ZNF155: variants seen among roughly 807,000 people sequenced by gnomAD.
The protein encoded by ZNF155 is KRAB A domain.
Under a neutral mutation model 11.9 loss-of-function variants are expected in ZNF155, and 15 were observed. The observed-to-expected ratio is 1.26, with a 90% CI of 0.84 to 1.94. The LOEUF (loss-of-function observed/expected upper bound fraction) is 1.94, where lower values mean the gene tolerates loss of function less well. ZNF155 is among the 30% of genes most tolerant of loss of function. The probability of loss-of-function intolerance (pLI) is 0.00; values close to 1 mark genes in which losing one functional copy is unlikely to be tolerated. For synonymous variants in ZNF155, 212 were observed against 219.9 expected (o/e 0.96, Z 0.32); for missense variants, 602 against 639.1 (o/e 0.94, Z 0.63).
chr19:43,996,288 G>C lies in ZNF155; in HGVS notation c.431G>C (p.Gly144Ala). The C allele has an allele frequency of 2.5e-6, 4 of 1,614,158 alleles. No homozygotes were observed. Among genetic ancestry groups the C allele is most frequent in the Non-Finnish European group, 3.4e-6 (4 of 1,180,008 alleles). ...GCAGGACTACCCACAATTCATACAG[G>C]ACAGAAACCTTCCCAGGGTGGGAAG... ...VEAGLPTIHT[G>A]QKPSQGGKCK... Residue 144 changes from glycine (G) to alanine (A), a missense_variant, in exon 5 of 5, where the codon GGA (glycine) becomes GCA (alanine). Physicochemically the swap from Gly to Ala is moderately conservative, Grantham distance 60 (BLOSUM62 0). Coordinates refer to ENST00000270014, the MANE Select transcript of ZNF155 (RefSeq NM_198089.3).
At position 43,997,225 on chromosome 19, in the gene ZNF155, T is replaced by C. The variant is rs779103038; in HGVS notation, c.1368T>C (p.Tyr456=). Residue 456 remains tyrosine, a synonymous_variant, in exon 5 of 5, where the codon TAT becomes TAC. Coordinates refer to ENST00000270014, the MANE Select transcript of ZNF155 (RefSeq NM_198089.3). ...HQRVHTGERP[Y]NCKECGKNFS... ...GGGTCCACACGGGAGAGAGACCTTA[T>C]AATTGTAAGGAATGTGGGAAGAACT... The C allele has an allele frequency of 2.5e-6, 4 of 1,614,174 alleles. No homozygotes were observed. The highest frequency in any genetic ancestry group is 3.3e-5 in the Admixed American group (2 of 60,018).
intron 4 of ZNF155, among the ~76,000 whole-genome samples, chr19:43,994,300 C>G (rs393138): frequency 0.97 from 147,504 of 152,288 alleles, 71,598 homozygotes; most frequent in Middle Eastern, 1. Flanking sequence ...CCAAGTTACT[C>G]TCCACATCAA....
In ZNF155 at chr19:43,986,519, G is replaced by C. The variant is rs940618559; in HGVS notation, c.-85-1940G>C. 2.7e-5 allele frequency among the ~76,000 whole-genome samples: 4 copies of C among 147,578 alleles called. No homozygotes were observed. The Admixed American group carries it at 2.7e-4, about 10-fold the overall frequency. ...GGCTGGAGTGCAGTGGTGCGATCTC[G>C]GCTCACTGTGAGCTCCGCCTCCCGG... On this transcript the variant is annotated intron_variant, in intron 1 of 4. Coordinates refer to ENST00000270014, the MANE Select transcript of ZNF155 (RefSeq NM_198089.3).
chr19:43,992,273 A>G (rs1167148648), intron 4 of ZNF155, among the ~76,000 whole-genome samples: 1 of 152,034 alleles, frequency 6.6e-6, no homozygotes, highest in African/African-American at 2.4e-5. Context: ...TGTCCTTTCC[A>G]TCTTTCTCCA....
chr19:43,995,452 A>G (rs1267003620), intron 4 of ZNF155, among the ~76,000 whole-genome samples: 1 of 139,368 alleles, frequency 7.2e-6, no homozygotes, highest in African/African-American at 2.7e-5. Flanking sequence ...TCTGTCACCC[A>G]GGGCTCACTG....
chr19:43,986,910 G>T (rs1407488745), intron 1 of ZNF155, among the ~76,000 whole-genome samples: 1 of 151,942 alleles, frequency 6.6e-6, no homozygotes, highest in Non-Finnish European at 1.5e-5. Flanking sequence ...TTGCTTTGTT[G>T]GTGGCCATCA....
intron 2 of ZNF155, among the ~76,000 whole-genome samples, chr19:43,989,821 A>C (rs1413620553): frequency 2.6e-5 from 4 of 152,222 alleles, no homozygotes; most frequent in Non-Finnish European, 5.9e-5. Context: ...AATGTTAGCC[A>C]CGTGGATACC....
intron 2 of ZNF155, chr19:43,990,169 C>T: frequency 1.9e-6 from 2 of 1,079,876 alleles, no homozygotes; most frequent in Non-Finnish European, 2.6e-6. Flanking sequence ...TCTAAATGTG[C>T]TTATTTTTTG....
Position 43,997,252 on chromosome 19 carries a change from T to C in ZNF155, c.1395T>C (p.Phe465=), listed in dbSNP as rs761984511. 50 of 1,614,002 alleles carry C rather than the reference T, an allele frequency of 3.1e-5. 1 individual carries two copies. The South Asian group carries it at 5.3e-4, about 17-fold the overall frequency. Residue 465 remains phenylalanine, a synonymous_variant, in exon 5 of 5, where the codon TTT becomes TTC. Coordinates refer to ENST00000270014, the MANE Select transcript of ZNF155 (RefSeq NM_198089.3). ...ATTGTAAGGAATGTGGGAAGAACTT[T>C]AGCCGGGCCTCAAGTATTTTGAATC... ...PYNCKECGKN[F]SRASSILNHK... is the part of the protein sequence containing the mutation.
At position 43,996,580 on chromosome 19, in the gene ZNF155, C is replaced by T. The variant is rs1383350964; in HGVS notation, c.723C>T (p.Phe241=). ...PFKCEQCGKG[F]SRRSALNVHR... ...AATGTGAGCAATGTGGGAAAGGTTTCAGTCGTAGATCAGCACTTAATGTTC... is the reference window on the plus strand; with the variant it reads ...AATGTGAGCAATGTGGGAAAGGTTTTAGTCGTAGATCAGCACTTAATGTTC... The change falls in exon 5 of 5, where the codon TTC becomes TTT. Residue 241 remains phenylalanine, a synonymous_variant. Transcript: ENST00000270014. 3 of 1,612,896 alleles carry T rather than the reference C, an allele frequency of 1.9e-6. No individual in the cohort carries two copies. Among genetic ancestry groups the T allele is most frequent in the Middle Eastern group, 1.6e-4 (1 of 6,080 alleles).
chr19:43,990,110 G>A, intron 2 of ZNF155: 3 of 1,519,082 alleles, frequency 2.0e-6, no homozygotes, highest in Non-Finnish European at 2.6e-6. Context: ...AAAGATTATG[G>A]AGGTAGGTAA....
intron 1 of ZNF155, among the ~76,000 whole-genome samples, chr19:43,986,916 C>T (rs1052587550): frequency 3.9e-5 from 6 of 152,076 alleles, no homozygotes; most frequent in African/African-American, 1.4e-4. Flanking sequence ...TGTTGGTGGC[C>T]ATCAGCCAAA....
chr19:43,991,744 GT>G, intron 3 of ZNF155, 70 bp downstream of exon 3: 2 of 1,608,076 alleles, frequency 1.2e-6, no homozygotes, highest in Non-Finnish European at 1.7e-6. Context: ...GAGTGTTCAA[GT>G]TTGAGTGTGC....
At chr19:43,992,020 T>G (rs1568489136) in intron 4 of ZNF155, 86 bp downstream of exon 4, 1 of 1,183,312 alleles carries the variant, frequency 8.5e-7, no homozygotes, top group Non-Finnish European at 1.2e-6. Context: ...TGCTCTGATG[T>G]AAATGACCAC....
intron 4 of ZNF155, among the ~76,000 whole-genome samples, chr19:43,993,114 C>T (rs1975721307): frequency 6.6e-6 from 1 of 152,234 alleles, no homozygotes; most frequent in African/African-American, 2.4e-5. Flanking sequence ...CCCCAGCTTC[C>T]TCCTTCGTAC....
In ZNF155 at chr19:43,991,850, C is replaced by A. The variant is rs1232050425; in HGVS notation, c.151C>A (p.Pro51Thr). ...ACCTTACCTATTCACAGGGCATCAA[C>A]CGTTCCACCAAGATACTTGCCACTT... ...FRNLLSVGHQ[P>T]FHQDTCHFLR... The change falls in exon 4 of 5, where the codon CCG becomes ACG. Residue 51 changes from proline (P) to threonine (T), a missense_variant. Pro to Thr is a conservative substitution (Grantham distance 38). Coordinates refer to ENST00000270014, the MANE Select transcript of ZNF155 (RefSeq NM_198089.3). The A allele has an allele frequency of 6.2e-7, 1 of 1,613,688 alleles. No individual in the cohort carries two copies. Among genetic ancestry groups the A allele is most frequent in the Admixed American group, 1.7e-5 (1 of 60,004 alleles).
At position 43,997,306 on chromosome 19, in the gene ZNF155, A is replaced by G. The variant is rs755729931; in HGVS notation, c.1449A>G (p.Pro483=). The G allele has an allele frequency of 1.2e-6, 2 of 1,614,174 alleles. No homozygotes were observed. ...NHKRLHCQKK[P]FKCEDCGKRL... ...AGAGACTCCACTGCCAGAAAAAACCATTCAAATGTGAGGACTGTGGAAAGA... is the reference window on the plus strand; with the variant it reads ...AGAGACTCCACTGCCAGAAAAAACCGTTCAAATGTGAGGACTGTGGAAAGA... The change falls in exon 5 of 5, where the codon CCA becomes CCG. Residue 483 remains proline, a synonymous_variant. Coordinates refer to ENST00000270014, the MANE Select transcript of ZNF155 (RefSeq NM_198089.3).
At chr19:43,986,542 C>A (rs532160706) in intron 1 of ZNF155, among the ~76,000 whole-genome samples, 1 of 151,244 alleles carries the variant, frequency 6.6e-6, no homozygotes. Flanking sequence ...CTCCGCCTCC[C>A]GGGTTCACAC....
intron 2 of ZNF155, among the ~76,000 whole-genome samples, chr19:43,990,982 C>T (rs1361242926): frequency 6.6e-6 from 1 of 152,116 alleles, no homozygotes; most frequent in Non-Finnish European, 1.5e-5. Context: ...GGCACTTTCT[C>T]CCTAACTCAA....
Sources: gnomAD v4.1 joint callset for allele counts (sites outside exome capture counted in the v4.1 genomes callset) on GRCh38, gnomAD v4.1.1 for gene constraint, MANE v1.5 for transcripts, NCBI Gene and HGNC (gene_info 2026-07-23, HGNC 2026-07-21) for gene names.